Variants in EHMT1 observed in about 807,000 individuals in gnomAD.
The protein encoded by EHMT1 is euchromatic histone lysine methyltransferase 1.
EHMT1 carries 15 observed loss-of-function variants against 147.2 expected under a neutral mutation model. The observed-to-expected ratio is 0.10, with a 90% CI of 0.07 to 0.16. EHMT1 has a LOEUF of 0.16. Among genes scored for constraint, EHMT1 ranks in the 10% least tolerant of loss-of-function variants. EHMT1 has a pLI of 1.00. For missense variants in EHMT1, 1,587 were observed against 1,772.4 expected (o/e 0.90, Z 1.88); for synonymous variants, 795 against 709.6 (o/e 1.12, Z -1.91).
intron 1 of EHMT1, among the ~76,000 whole-genome samples, chr9:137,662,549 T>G (rs1482950404): frequency 2.0e-5 from 3 of 151,880 alleles, no homozygotes; most frequent in Non-Finnish European, 4.4e-5. Context: ...GCCCAGGCTG[T>G]AGTGTAGTGG....
chr9:137,821,343 T>TTA (rs58363285), intron 25 of EHMT1, among the ~76,000 whole-genome samples: 2 of 147,360 alleles, frequency 1.4e-5, no homozygotes, highest in African/African-American at 2.5e-5. Flanking sequence ...TTTTTTTTTT[T>TTA]AAGAGACCAG....
rs772187480 is a variant in EHMT1, at chr9:137,752,337, G to C, written c.1177G>C (p.Gly393Arg). Residue 393 changes from glycine (G) to arginine (R), a missense_variant, in exon 7 of 27, where the codon GGG becomes CGG. Gly to Arg is a moderately radical substitution (Grantham distance 125, BLOSUM62 -2). This residue lies in a region of EHMT1 where 810 missense variants were observed against 673.0 expected (regional missense o/e 1.20). Coordinates refer to ENST00000460843, the MANE Select transcript of EHMT1 (RefSeq NM_024757.5). The part of the protein sequence containing the change: ...SEADRAQKMD[G>R]ESEEEQESVD... ...CGACTGTGTGGCTGATCAGATGGACGGGGAGTCCGAGGAGGAGCAGGAGTC... is the reference window on the plus strand; with the variant it reads ...CGACTGTGTGGCTGATCAGATGGACCGGGAGTCCGAGGAGGAGCAGGAGTC... 6.2e-7 allele frequency: 1 copy of C among 1,614,060 alleles called. No homozygotes were observed. The highest frequency in any genetic ancestry group is 8.5e-7 in the Non-Finnish European group (1 of 1,180,030).
chr9:137,668,960 C>T (rs1037810567), intron 1 of EHMT1, among the ~76,000 whole-genome samples: 18 of 152,278 alleles, frequency 1.2e-4, no homozygotes, highest in South Asian at 2.1e-4. Context: ...AATCTCAGCT[C>T]ACTGCAAGCT....
At chr9:137,773,983 C>T (rs573134118) in intron 10 of EHMT1, among the ~76,000 whole-genome samples, 138 of 152,298 alleles carry the variant, frequency 9.1e-4, no homozygotes, top group African/African-American at 3.1e-3. Flanking sequence ...CTCATTGCTT[C>T]CACCTCCACA....
At chr9:137,777,281 A>G (rs183765916) in intron 12 of EHMT1, 140 of 196,278 alleles carry the variant, frequency 7.1e-4, no homozygotes, top group African/African-American at 3.2e-3. Context: ...TCTTCCTGAA[A>G]GAGTCCAGTA....
chr9:137,710,876 C>G, intron 1 of EHMT1, 91 bp from the exon 2 acceptor site: 1 of 1,432,976 alleles, frequency 7.0e-7, no homozygotes, highest in Non-Finnish European at 9.5e-7. Context: ...AATGTTGTAA[C>G]TACGATTTTT....
At chr9:137,750,549 C>T (rs1295935819) in intron 6 of EHMT1, among the ~76,000 whole-genome samples, 2 of 152,114 alleles carry the variant, frequency 1.3e-5, no homozygotes, top group Non-Finnish European at 2.9e-5. Context: ...AAATTAAGTT[C>T]CTAGAGAGAG....
At chr9:137,701,041 A>G (rs890549433) in intron 1 of EHMT1, among the ~76,000 whole-genome samples, 2 of 152,172 alleles carry the variant, frequency 1.3e-5, no homozygotes, top group Non-Finnish European at 2.9e-5. Flanking sequence ...GGAGAGAGAA[A>G]GCATGAAGGG....
intron 4 of EHMT1, among the ~76,000 whole-genome samples, chr9:137,737,819 C>T (rs1241122056): frequency 6.6e-6 from 1 of 152,114 alleles, no homozygotes; most frequent in African/African-American, 2.4e-5. Context: ...ATCTGCAAAT[C>T]CTATGTCTGA....
At chr9:137,682,493 TG>T (rs1942048550) in intron 1 of EHMT1, among the ~76,000 whole-genome samples, 1 of 152,204 alleles carries the variant, frequency 6.6e-6, no homozygotes, top group African/African-American at 2.4e-5. Flanking sequence ...TTCAGGCTGC[TG>T]TAGCGAGCGT....
At chr9:137,815,623 C>T (rs1382909658) in intron 22 of EHMT1, 7 of 402,988 alleles carry the variant, frequency 1.7e-5, no homozygotes, top group Admixed American at 1.4e-4. Flanking sequence ...AGCAGAGCAA[C>T]CCAGGAGCTG....
chr9:137,661,729 A>C (rs1016532186), intron 1 of EHMT1, among the ~76,000 whole-genome samples: 3 of 151,694 alleles, frequency 2.0e-5, no homozygotes, highest in African/African-American at 7.3e-5. Context: ...CAGGTGATCC[A>C]CCCACCTCTG....
Position 137,782,468 on chromosome 9 carries a change from C to T in EHMT1, c.2382+71C>T. On this transcript the variant is annotated intron_variant, in intron 15 of 26. Transcript: ENST00000460843. This position sits in a 1 kb window ranked among gnomAD's most constrained non-coding sequence, Gnocchi z 5.7. Reference sequence around the variant, plus strand: ...TTATTTTTACCAAAGTAAAATCATACCACGTTCGCGGTTCTTCCAGTGTAA... The same window carrying T: ...TTATTTTTACCAAAGTAAAATCATATCACGTTCGCGGTTCTTCCAGTGTAA... 7.1e-7 allele frequency: 1 copy of T among 1,409,954 alleles called. No individual in the cohort carries two copies. Among genetic ancestry groups the T allele is most frequent in the Non-Finnish European group, 9.7e-7 (1 of 1,033,116 alleles). The allele number at this position is 1,409,954 out of a possible 1,614,324, so 87.3% of individuals were successfully genotyped here. A position where few individuals can be genotyped will look rare whatever the true frequency, so the allele number is the denominator to read the frequency against.
At chr9:137,709,081 G>A (rs988495028) in intron 1 of EHMT1, among the ~76,000 whole-genome samples, 1 of 152,208 alleles carries the variant, frequency 6.6e-6, no homozygotes, top group African/African-American at 2.4e-5. Context: ...TCCTGACCTG[G>A]TCGATGCAAA....
At chr9:137,764,473 C>T (rs936173740) in intron 10 of EHMT1, 3 of 152,318 alleles carry the variant, frequency 2.0e-5, no homozygotes, top group Admixed American at 6.5e-5. Context: ...ACCCTCGACT[C>T]GGCTCCTCTG....
At chr9:137,698,352 CATG>C (rs1395106199) in intron 1 of EHMT1, among the ~76,000 whole-genome samples, 1 of 152,226 alleles carries the variant, frequency 6.6e-6, no homozygotes. Flanking sequence ...ATCTTCACCT[CATG>C]GTGGTATTGA....
At chr9:137,783,661 C>T (rs1443395558) in intron 15 of EHMT1, among the ~76,000 whole-genome samples, 1 of 152,140 alleles carries the variant, frequency 6.6e-6, no homozygotes, top group Admixed American at 6.5e-5. Flanking sequence ...TTTGTTGGGG[C>T]CCCCAGGCCC....
intron 1 of EHMT1, among the ~76,000 whole-genome samples, chr9:137,635,464 C>T (rs527747487): frequency 1.3e-5 from 2 of 151,778 alleles, no homozygotes; most frequent in South Asian, 2.1e-4. Context: ...ATTCGCCCTC[C>T]TTGGCCTCCC....
intron 25 of EHMT1, among the ~76,000 whole-genome samples, chr9:137,820,923 G>A (rs1955362517): frequency 6.6e-6 from 1 of 152,230 alleles, no homozygotes; most frequent in Non-Finnish European, 1.5e-5. Flanking sequence ...TGTCACCCAG[G>A]CTGGAGTGCC....
Sources: allele counts gnomAD v4.1 joint callset (sites outside exome capture counted in the v4.1 genomes callset), GRCh38; gene constraint gnomAD v4.1.1; regional missense constraint gnomAD v4.1.1; non-coding constraint Gnocchi (gnomAD v3.1); transcripts MANE v1.5; gene names NCBI Gene and HGNC (gene_info 2026-07-23, HGNC 2026-07-21).